Variants in FRMD4A observed in about 807,000 individuals in gnomAD.
FRMD4A encodes FERM domain containing 4A.
A neutral mutation model predicts 129.1 loss-of-function variants in FRMD4A; 29 were observed. The ratio of observed to expected loss-of-function variants is 0.22; its 90% CI spans 0.17 to 0.31. The LOEUF is 0.31. FRMD4A is among the 10% of genes least tolerant of loss of function. The pLI is 1.00. For synonymous variants in FRMD4A, 634 were observed against 571.6 expected (o/e 1.11, Z -1.56); for missense variants, 1,272 against 1,375.8 (o/e 0.92, Z 1.19).
At chr10:14,329,837 A>G (rs1227748695) in intron 2 of FRMD4A, among the ~76,000 whole-genome samples, 1 of 152,234 alleles carries the variant, frequency 6.6e-6, no homozygotes, top group Admixed American at 6.5e-5. Context: ...AATAGCATTC[A>G]GCAACAAGTT....
chr10:14,029,075 C>A (rs1833111686), intron 2 of FRMD4A, among the ~76,000 whole-genome samples: 1 of 152,176 alleles, frequency 6.6e-6, no homozygotes, highest in Non-Finnish European at 1.5e-5. Flanking sequence ...TAGGCAAACA[C>A]CGGAATTTGT....
chr10:14,308,859 G>A (rs904650034), intron 2 of FRMD4A, among the ~76,000 whole-genome samples: 4 of 152,178 alleles, frequency 2.6e-5, no homozygotes, highest in Admixed American at 6.5e-5. Context: ...AGTTGAAAAC[G>A]TGACCTACCA....
chr10:14,246,398 CACACACACAA>C (rs1322200204), intron 2 of FRMD4A, among the ~76,000 whole-genome samples: 1 of 151,932 alleles, frequency 6.6e-6, no homozygotes, highest in Non-Finnish European at 1.5e-5. Flanking sequence ...CACACACACA[CACACACACAA>C]GTGCACGCAT....
chr10:13,746,830 T>C (rs1206716160), intron 9 of FRMD4A, among the ~76,000 whole-genome samples: 1 of 152,146 alleles, frequency 6.6e-6, no homozygotes, highest in Non-Finnish European at 1.5e-5. Flanking sequence ...CAAAACATTA[T>C]CCAGGAATGC....
At chr10:13,951,926 TAATAAAC>T (rs924904329) in intron 2 of FRMD4A, among the ~76,000 whole-genome samples, 4 of 145,524 alleles carry the variant, frequency 2.7e-5, no homozygotes, top group African/African-American at 7.5e-5. Context: ...ATAATAATAA[TAATAAAC>T]AATCTAAAAT....
chr10:14,105,192 T>A (rs1232428939), intron 2 of FRMD4A, among the ~76,000 whole-genome samples: 1 of 152,222 alleles, frequency 6.6e-6, no homozygotes, highest in African/African-American at 2.4e-5. Context: ...TGGTCACTTG[T>A]TTTCTTCAGG....
At chr10:13,966,069 G>C (rs2095483448) in intron 2 of FRMD4A, among the ~76,000 whole-genome samples, 1 of 151,962 alleles carries the variant, frequency 6.6e-6, no homozygotes, top group African/African-American at 2.4e-5. Context: ...GAGTGCAGTG[G>C]TGCCATCTTG....
intron 2 of FRMD4A, among the ~76,000 whole-genome samples, chr10:13,917,949 G>T (rs2095028968): frequency 6.6e-6 from 1 of 152,152 alleles, no homozygotes; most frequent in Non-Finnish European, 1.5e-5. Context: ...TGTGGTGTGG[G>T]CAAGCGCACT....
intron 2 of FRMD4A, among the ~76,000 whole-genome samples, chr10:14,055,462 A>AACACACAC (rs71388155): frequency 1.0e-3 from 79 of 77,506 alleles, no homozygotes; most frequent in African/African-American, 4.0e-3. Flanking sequence ...CACACACACA[A>AACACACAC]ACACACACAC....
chr10:14,037,591 CA>C (rs1833560738), intron 2 of FRMD4A, among the ~76,000 whole-genome samples: 2 of 152,114 alleles, frequency 1.3e-5, no homozygotes, highest in South Asian at 4.1e-4. Context: ...TGTTTTTGTA[CA>C]TCTGTCAATG....
chr10:13,854,586 ATTTTTT>A (rs34618985), intron 3 of FRMD4A, among the ~76,000 whole-genome samples: 1 of 130,530 alleles, frequency 7.7e-6, no homozygotes, highest in Non-Finnish European at 1.6e-5. Flanking sequence ...ACACCGAGCT[ATTTTTT>A]TTTTTTTTTT....
intron 2 of FRMD4A, among the ~76,000 whole-genome samples, chr10:14,321,238 C>A (rs1242084204): frequency 1.3e-5 from 2 of 151,620 alleles, no homozygotes; most frequent in South Asian, 2.1e-4. Context: ...GAGAAATACT[C>A]TATACTTATG....
intron 2 of FRMD4A, among the ~76,000 whole-genome samples, chr10:14,177,207 GTTTTT>G (rs895019045): frequency 1.3e-5 from 2 of 151,362 alleles, no homozygotes; most frequent in Admixed American, 6.6e-5. Flanking sequence ...TTTTGTTTTT[GTTTTT>G]TTTGAGACAA....
intron 2 of FRMD4A, among the ~76,000 whole-genome samples, chr10:14,126,255 C>G (rs146707670): frequency 2.0e-5 from 3 of 148,928 alleles, no homozygotes; most frequent in African/African-American, 7.5e-5. Flanking sequence ...AGTGCAACCT[C>G]TGCCTCAAGG....
At chr10:13,717,609 C>A (rs78054714) in intron 12 of FRMD4A, among the ~76,000 whole-genome samples, 1 of 105,432 alleles carries the variant, frequency 9.5e-6, no homozygotes, top group Non-Finnish European at 1.9e-5. Flanking sequence ...CCAACGCACC[C>A]GGCTAAATTT....
At chr10:14,239,815 G>A (rs1348712256) in intron 2 of FRMD4A, among the ~76,000 whole-genome samples, 1 of 152,326 alleles carries the variant, frequency 6.6e-6, no homozygotes, top group Non-Finnish European at 1.5e-5. Flanking sequence ...TGCTTTCTGA[G>A]TGAGTGTTTG....
chr10:13,744,509 C>G (rs1159298808), intron 9 of FRMD4A: 1 of 152,200 alleles, frequency 6.6e-6, no homozygotes, highest in East Asian at 1.9e-4. Flanking sequence ...ATTACCGTCT[C>G]AAGTAGGTTG....
intron 4 of FRMD4A, among the ~76,000 whole-genome samples, chr10:13,803,850 G>A (rs2093308109): frequency 6.6e-6 from 1 of 152,210 alleles, no homozygotes; most frequent in African/African-American, 2.4e-5. Context: ...GGACTGCTGT[G>A]TAGACACAGC....
chr10:13,864,080 C>G (rs1454890682), intron 2 of FRMD4A, among the ~76,000 whole-genome samples: 1 of 152,020 alleles, frequency 6.6e-6, no homozygotes, highest in African/African-American at 2.4e-5. Context: ...ACTGCAACCT[C>G]CACCTCCCGG....
Sources: gnomAD v4.1 joint callset for allele counts (sites outside exome capture counted in the v4.1 genomes callset) on GRCh38, gnomAD v4.1.1 for gene constraint, MANE v1.5 for transcripts, NCBI Gene and HGNC (gene_info 2026-07-23, HGNC 2026-07-21) for gene names.